The following DAB2IP variants were observed in gnomAD, a reference collection of about 807,000 sequenced individuals.
DAB2IP encodes the protein disabled homolog 2-interacting protein.
A neutral mutation model predicts 107.2 loss-of-function variants in DAB2IP; 28 were observed. The ratio of observed to expected loss-of-function variants is 0.26; its 90% CI spans 0.19 to 0.36. The LOEUF (loss-of-function observed/expected upper bound fraction) is 0.36. DAB2IP is among the 10% of genes least tolerant of loss of function. The pLI, the probability that DAB2IP is intolerant of heterozygous loss-of-function variation, is 1.00. For missense variants in DAB2IP, 1,400 were observed against 1,644.7 expected, an observed-to-expected ratio of 0.85 and a Z score of 2.57; for synonymous variants, 755 against 706.4, an observed-to-expected ratio of 1.07 and a Z score of -1.09.
rs556612997 is a variant in DAB2IP at position 121,706,686 on chromosome 9, G to A, written c.362+7228G>A. On this transcript the variant is annotated intron_variant, in intron 3 of 15. Coordinates refer to ENST00000408936, the Ensembl canonical transcript of DAB2IP. ...GGAGATTTTAGTGATGGAAATGATA[G>A]GGGAGTTTCCCCTCCCAGCTGGGGC... 1.2e-4 allele frequency among the ~76,000 whole-genome samples: 18 copies of A among 152,286 alleles called. No homozygotes were observed. In the East Asian group the frequency reaches 3.5e-3, roughly 29 times the overall value.
intron 2 of DAB2IP, among the ~76,000 whole-genome samples, chr9:121,681,266 C>A (rs1055825116): frequency 2.0e-5 from 3 of 152,216 alleles, no homozygotes; most frequent in African/African-American, 7.2e-5. Flanking sequence ...CCACACCCCC[C>A]CAGAACCCCA....
chr9:121,681,696 T>C (rs898842599), intron 2 of DAB2IP, among the ~76,000 whole-genome samples: 7 of 152,224 alleles, frequency 4.6e-5, no homozygotes, highest in African/African-American at 1.7e-4. Context: ...TTGTGTCCTT[T>C]CCTGGGCACC....
intron 10 of DAB2IP, among the ~76,000 whole-genome samples, chr9:121,770,320 G>A (rs927873884): frequency 2.6e-5 from 4 of 152,220 alleles, no homozygotes; most frequent in Admixed American, 2.6e-4. Context: ...CCCACTGTGG[G>A]CCTCCTACTC....
intron 1 of DAB2IP, among the ~76,000 whole-genome samples, chr9:121,570,579 C>T (rs1022916022): frequency 2.0e-5 from 3 of 151,726 alleles, no homozygotes; most frequent in East Asian, 1.9e-4. Flanking sequence ...GACAGGGTCT[C>T]ACTCTGTCAC....
In DAB2IP at chr9:121,730,246, C is replaced by T. The variant is rs773826771; in HGVS notation, c.363-26767C>T. The stretch of plus-strand genomic sequence containing the variant: ...CCCTCCTCTCCCTTTCCACCCTTCC[C>T]GAGGCCAGAAGGGACATGGGAAACC... On this transcript the variant is annotated intron_variant, in intron 3 of 15. Coordinates refer to ENST00000408936, the Ensembl canonical transcript of DAB2IP. Among the ~76,000 whole-genome samples the T allele has an allele frequency of 5.9e-5, 9 of 152,322 alleles. No homozygotes were observed. In the East Asian group the frequency reaches 9.6e-4, roughly 16 times the overall value.
At chr9:121,670,060 C>A (rs1260084649) in intron 1 of DAB2IP, among the ~76,000 whole-genome samples, 3 of 152,208 alleles carry the variant, frequency 2.0e-5, no homozygotes, top group African/African-American at 7.2e-5. Flanking sequence ...CCTTTAACAT[C>A]ACATCCACCT....
intron 1 of DAB2IP, among the ~76,000 whole-genome samples, chr9:121,620,859 A>G (rs1831437003): frequency 6.6e-6 from 1 of 152,188 alleles, no homozygotes; most frequent in Admixed American, 6.5e-5. Context: ...GCTACTCCCA[A>G]CACAGACTGT....
intron 2 of DAB2IP, among the ~76,000 whole-genome samples, chr9:121,693,575 C>T (rs1397223697): frequency 6.6e-6 from 1 of 152,232 alleles, no homozygotes; most frequent in Non-Finnish European, 1.5e-5. Flanking sequence ...TTAGAAACTG[C>T]CATGGGAGGA....
chr9:121,634,218 G>A lies in DAB2IP; in HGVS notation c.41-44460G>A, dbSNP rs190315606. On this transcript the variant is annotated intron_variant, in intron 1 of 16. Coordinates refer to the DAB2IP transcript ENST00000259371. The surrounding 1 kb of genome is among the most constrained non-coding windows in gnomAD (Gnocchi z 4.7). The stretch of plus-strand genomic sequence containing the variant: ...GTCCCCTATGCACCCCGGGGTAGGA[G>A]CTGAATGGCCTGGCTTCCCAATGAC... 2.6e-4 allele frequency among the ~76,000 whole-genome samples: 40 copies of A among 152,306 alleles called. No individual in the cohort carries two copies. The East Asian group carries it at 7.5e-3, about 29-fold the overall frequency.
At chr9:121,674,986 C>G (rs1833836932) in intron 1 of DAB2IP, among the ~76,000 whole-genome samples, 1 of 152,064 alleles carries the variant, frequency 6.6e-6, no homozygotes, top group South Asian at 2.1e-4. Flanking sequence ...CCCTGTGGGG[C>G]AGCCTGACTC....
Position 121,651,870 on chromosome 9 carries a change from G to A in DAB2IP, c.95G>A (p.Arg32His), listed in dbSNP as rs1317153863. 4.8e-6 allele frequency: 7 copies of A among 1,443,690 alleles called. No homozygotes were observed. The highest frequency in any genetic ancestry group is 1.5e-5 in the African/African-American group (1 of 68,820). 89.4% of individuals were successfully genotyped at this position (1,443,690 alleles called of 1,614,324 possible). ...CCCCGGCTGCAGCGACAGAGGAGCC[G>A]CTCCCGCAGCCGGACCCGGCCTGCC... The change falls in exon 1 of 16, where the codon CGC (arginine) becomes CAC (histidine). Residue 32 changes from arginine to histidine, a missense_variant. Physicochemically the swap from Arg to His is conservative, Grantham distance 29. This residue lies in a region of DAB2IP where 283 missense variants were observed against 237.0 expected (regional missense o/e 1.19). Coordinates refer to ENST00000408936, the Ensembl canonical transcript of DAB2IP. The surrounding 1 kb of genome is among the most constrained non-coding windows in gnomAD (Gnocchi z 5.1).
At chr9:121,604,312 G>C (rs1017809091) in intron 1 of DAB2IP, among the ~76,000 whole-genome samples, 1 of 152,166 alleles carries the variant, frequency 6.6e-6, no homozygotes, top group Non-Finnish European at 1.5e-5. Flanking sequence ...CCTGGGGCGA[G>C]CAGCTGGCTG....
At chr9:121,587,995 T>C (rs1258718102) in intron 1 of DAB2IP, among the ~76,000 whole-genome samples, 1 of 152,238 alleles carries the variant, frequency 6.6e-6, no homozygotes, top group Non-Finnish European at 1.5e-5. Flanking sequence ...CTGGGTTCTC[T>C]GCCCATGATG....
At chr9:121,641,982 T>C (rs1262712269) in intron 1 of DAB2IP, among the ~76,000 whole-genome samples, 1,400 of 120,668 alleles carry the variant, frequency 0.012, 43 homozygotes, top group African/African-American at 0.036. Flanking sequence ...CTTTCTTTCT[T>C]TCTTTCTTTC....
intron 2 of DAB2IP, among the ~76,000 whole-genome samples, chr9:121,696,335 G>A (rs140066343): frequency 1.8e-3 from 270 of 152,274 alleles, no homozygotes; most frequent in East Asian, 4.1e-3. Flanking sequence ...CTGCGGTCCC[G>A]GAAAGTGGGT....
chr9:121,695,360 A>C (rs1345615830), intron 2 of DAB2IP, among the ~76,000 whole-genome samples: 1 of 152,218 alleles, frequency 6.6e-6, no homozygotes, highest in Non-Finnish European at 1.5e-5. Flanking sequence ...TGGTTGCAAT[A>C]AACCTACTAC....
At chr9:121,718,037 A>C (rs886087683) in intron 3 of DAB2IP, among the ~76,000 whole-genome samples, 1 of 151,450 alleles carries the variant, frequency 6.6e-6, no homozygotes, top group Non-Finnish European at 1.5e-5. Context: ...TTATGTGTCG[A>C]GGTTTCAGAA....
intron 3 of DAB2IP, among the ~76,000 whole-genome samples, chr9:121,746,862 G>A (rs376689383): frequency 6.6e-6 from 1 of 152,194 alleles, no homozygotes; most frequent in Non-Finnish European, 1.5e-5. Flanking sequence ...TTATGGTCCC[G>A]GGTGGGGTGC....
intron 3 of DAB2IP, among the ~76,000 whole-genome samples, chr9:121,718,373 C>T (rs974640561): frequency 4.6e-5 from 7 of 152,176 alleles, no homozygotes; most frequent in African/African-American, 1.4e-4. Context: ...GGTGAGGTCA[C>T]GCCCAAGGGA....
Sources: gnomAD v4.1 joint callset for allele counts (sites outside exome capture counted in the v4.1 genomes callset) on GRCh38, gnomAD v4.1.1 for gene constraint, gnomAD v4.1.1 regional missense constraint, Gnocchi (gnomAD v3.1) non-coding constraint, MANE v1.5 for transcripts, NCBI Gene and HGNC (gene_info 2026-07-23, HGNC 2026-07-21) for gene names.